The following RHPN2 variants were observed in gnomAD, a reference collection of about 807,000 sequenced individuals.
The protein encoded by RHPN2 is rhophilin Rho GTPase binding protein 2, also known as rhophilin-2.
RHPN2 carries 40 observed loss-of-function variants against 79.0 expected under a neutral mutation model. The observed-to-expected ratio is 0.51, with a 90% confidence interval of 0.39 to 0.66. The LOEUF is 0.66. RHPN2 is among the 30% of genes least tolerant of loss of function. The pLI is 0.00. For missense variants in RHPN2, 686 were observed against 883.5 expected, an observed-to-expected ratio of 0.78 and a Z score of 2.83; for synonymous variants, 285 against 363.5, an observed-to-expected ratio of 0.78 and a Z score of 2.46.
At chr19:33,045,660 G>A (rs1212292258) in intron 1 of RHPN2, among the ~76,000 whole-genome samples, 1 of 151,358 alleles carries the variant, frequency 6.6e-6, no homozygotes, top group Non-Finnish European at 1.5e-5. Flanking sequence ...TTTTAGTAGA[G>A]ACAGGGTTTC....
intron 4 of RHPN2, among the ~76,000 whole-genome samples, chr19:33,014,951 G>A (rs1451705955): frequency 2.6e-5 from 4 of 151,866 alleles, no homozygotes; most frequent in Admixed American, 6.6e-5. Flanking sequence ...TTAGCCAGGC[G>A]TGCTGAGGCA....
At chr19:32,995,111 C>T (rs1339882246) in intron 11 of RHPN2, among the ~76,000 whole-genome samples, 3 of 152,094 alleles carry the variant, frequency 2.0e-5, no homozygotes, top group Non-Finnish European at 4.4e-5. Flanking sequence ...GTCGCTCTGT[C>T]GCCCAAGCTG....
rs986707605 is a variant in RHPN2 at position 32,978,805 on chromosome 19, C to T, written c.*1191G>A. 6.6e-6 allele frequency: 1 copy of T among 152,468 alleles called. No individual in the cohort carries two copies. The highest frequency in any genetic ancestry group is 1.5e-5 in the Non-Finnish European group (1 of 68,018). The allele number at this position is 152,468 out of a possible 1,614,324, so 9.4% of individuals were successfully genotyped here. On this transcript the variant is annotated 3_prime_UTR_variant, in exon 15 of 15. Coordinates refer to ENST00000254260, the MANE Select transcript of RHPN2 (RefSeq NM_033103.5). ...AACCTTATTAGATTCACGGTGTCAT[C>T]GAACTTATAGCAAGATAAAAATCAA... is the stretch of plus-strand genomic sequence containing the variant.
chr19:33,011,839 G>A, intron 5 of RHPN2, 36 bp from the exon 6 acceptor site: 9 of 1,613,766 alleles, frequency 5.6e-6, no homozygotes, highest in East Asian at 2.2e-5. Context: ...CATGAGCAGA[G>A]GAGGACACAG....
At chr19:33,026,967 A>G in intron 2 of RHPN2, 1 of 346,578 alleles carries the variant, frequency 2.9e-6, no homozygotes. Context: ...AAAGAAATGA[A>G]TGATTCCAGC....
At chr19:33,001,685 C>T (rs1469782746) in intron 9 of RHPN2, among the ~76,000 whole-genome samples, 1 of 152,126 alleles carries the variant, frequency 6.6e-6, no homozygotes, top group African/African-American at 2.4e-5. Flanking sequence ...CGGCTCACTG[C>T]AACCTCCACC....
At position 33,064,416 on chromosome 19, in the gene RHPN2, G is replaced by T. The variant is rs529835215; in HGVS notation, c.69+368C>A. Among the ~76,000 whole-genome samples, 42 of 152,176 alleles carry T rather than the reference G, an allele frequency of 2.8e-4. 3 individuals are homozygous for T. The South Asian group carries it at 8.7e-3, about 32-fold the overall frequency. ...TCTTGCAACGCGCCCAGAGGCCAAGGGCGCCAGCGCAGCCAGGAACGGGTC... is the reference window on the plus strand; with the variant it reads ...TCTTGCAACGCGCCCAGAGGCCAAGTGCGCCAGCGCAGCCAGGAACGGGTC... On this transcript the variant is annotated intron_variant, in intron 1 of 14. Transcript: ENST00000254260.
At chr19:33,061,128 G>A (rs1024625365) in intron 1 of RHPN2, among the ~76,000 whole-genome samples, 2 of 152,008 alleles carry the variant, frequency 1.3e-5, no homozygotes, top group Non-Finnish European at 1.5e-5. Context: ...ACCCTGGGGG[G>A]GCCTACAAAG....
At chr19:32,992,282 C>T in intron 12 of RHPN2, 3 of 317,302 alleles carry the variant, frequency 9.5e-6, no homozygotes, top group South Asian at 9.1e-5. Context: ...CGGCTCACTG[C>T]AGCCTCTGCC....
chr19:33,002,229 G>T lies in RHPN2; in HGVS notation c.1105+18C>A, dbSNP rs113694111. The T allele has an allele frequency of 4.0e-4, 647 of 1,611,428 alleles. 2 individuals are homozygous for T. In the African/African-American group the frequency reaches 6.0e-3, roughly 15 times the overall value. ...GGACCACAGCCCTCGCCAAACTCCCGAACCCCCCAGGCCTTACCCTGGTGG... is the reference window on the plus strand; with the variant it reads ...GGACCACAGCCCTCGCCAAACTCCCTAACCCCCCAGGCCTTACCCTGGTGG... On this transcript the variant is annotated intron_variant, in intron 9 of 14. Coordinates refer to ENST00000254260, the MANE Select transcript of RHPN2 (RefSeq NM_033103.5).
Position 33,011,720 on chromosome 19 carries a change from T to A in RHPN2, c.552A>T (p.Arg184=). ...CCATCTGCCGTGTGGGCGGGAAGAA[T>A]CGACTCTCGACAAAGCCCAGCTGGA... is the stretch of plus-strand genomic sequence containing the variant. ...YFIQLGFVES[R]FFPPTRQMGL... is the part of the protein sequence containing the mutation. The change falls in exon 6 of 15, where the codon CGA becomes CGT. Residue 184 remains arginine, a synonymous_variant. Transcript: ENST00000254260. The A allele has an allele frequency of 6.2e-7, 1 of 1,613,834 alleles. No homozygotes were observed. The highest frequency in any genetic ancestry group is 1.1e-5 in the South Asian group (1 of 91,066).
intron 3 of RHPN2, among the ~76,000 whole-genome samples, chr19:33,022,482 C>T (rs1353464447): frequency 1.3e-5 from 2 of 152,072 alleles, no homozygotes; most frequent in African/African-American, 2.4e-5. Flanking sequence ...AGTGTCTAGG[C>T]GTCCCACCAC....
At chr19:33,018,328 C>CA (rs996710250) in intron 4 of RHPN2, among the ~76,000 whole-genome samples, 25 of 145,924 alleles carry the variant, frequency 1.7e-4, no homozygotes, top group Middle Eastern at 3.5e-3. Flanking sequence ...GACTGTGTCT[C>CA]AAAAAAAAAA....
intron 6 of RHPN2, among the ~76,000 whole-genome samples, chr19:33,008,758 A>T (rs1385467860): frequency 1.3e-5 from 2 of 152,130 alleles, no homozygotes; most frequent in African/African-American, 4.8e-5. Context: ...CGACAACAAC[A>T]ACAACAAACT....
Position 32,983,055 on chromosome 19 carries a change from TACACACACACAC to T in RHPN2, c.1801-2811_1801-2800del, listed in dbSNP as rs57230466. Among the ~76,000 whole-genome samples, 408 of 103,448 alleles carry T rather than the reference TACACACACACAC, an allele frequency of 3.9e-3. 3 individuals are homozygous for T. Among genetic ancestry groups the T allele is most frequent in the Non-Finnish European group, 6.4e-3 (332 of 51,628 alleles). 67.9% of individuals were successfully genotyped at this position (103,448 alleles called of 152,430 possible). On this transcript the variant is annotated intron_variant, in intron 14 of 14. Coordinates refer to ENST00000254260, the MANE Select transcript of RHPN2 (RefSeq NM_033103.5). ...CAGGCACCCTTGCCTCCCAGATCTC[TACACACACACAC>T]ACACACACACACACACACACACACA...
rs73583839 is a variant in RHPN2 at position 33,044,084 on chromosome 19, T to C, written c.185+165A>G. Among the ~76,000 whole-genome samples, 482 of 103,136 alleles carry C rather than the reference T, an allele frequency of 4.7e-3. 2 individuals are homozygous for C. Among genetic ancestry groups the C allele is most frequent in the African/African-American group, 0.017 (455 of 27,096 alleles). 67.7% of individuals were successfully genotyped at this position (103,136 alleles called of 152,430 possible). On this transcript the variant is annotated intron_variant, in intron 2 of 14. Transcript: ENST00000254260. ...TCCCCAAACACACAAACAGGCGGGG[T>C]AAAATATCTGTTTTCAACATAACCA...
intron 4 of RHPN2, among the ~76,000 whole-genome samples, 170 bp from the exon 5 acceptor site, chr19:33,012,894 A>T (rs1215658837): frequency 6.6e-6 from 1 of 152,112 alleles, no homozygotes. Context: ...AGTTTTTTTT[A>T]ATACGGAGTC....
rs1460092097 is a variant in RHPN2, at chr19:32,993,991, A to C, written c.1483T>G (p.Phe495Val). ...PQFSKLTVTD[F>V]FQKLGPLSVF... ...ATTCAACATACCAGCTTCTGGAAGA[A>C]GTCCGTGACTGTCAGCTTGGAGAAC... The change falls in exon 12 of 15, where the codon TTC becomes GTC. Residue 495 changes from phenylalanine (F) to valine (V), a missense_variant. Coordinates refer to ENST00000254260, the MANE Select transcript of RHPN2 (RefSeq NM_033103.5). 1.2e-6 allele frequency: 2 copies of C among 1,612,784 alleles called. No individual in the cohort carries two copies. The highest frequency in any genetic ancestry group is 8.5e-7 in the Non-Finnish European group (1 of 1,178,790).
At chr19:33,042,433 A>G (rs1972108019) in intron 2 of RHPN2, among the ~76,000 whole-genome samples, 1 of 152,158 alleles carries the variant, frequency 6.6e-6, no homozygotes, top group Non-Finnish European at 1.5e-5. Flanking sequence ...GCTCTCTGCT[A>G]TGGGAGTGGA....
Sources: gnomAD v4.1 joint callset for allele counts (sites outside exome capture counted in the v4.1 genomes callset) on GRCh38, gnomAD v4.1.1 for gene constraint, MANE v1.5 for transcripts, NCBI Gene and HGNC (gene_info 2026-07-23, HGNC 2026-07-21) for gene names.